HS2ST1: variants seen among roughly 807,000 people sequenced by gnomAD.
HS2ST1 encodes the protein 2-O-sulfotransferase.
In HS2ST1, 18 loss-of-function variants were observed where a neutral mutation model predicts 42.9. The ratio of observed to expected loss-of-function variants is 0.42; its 90% confidence interval spans 0.29 to 0.62. The LOEUF (loss-of-function observed/expected upper bound fraction) is 0.62, where lower values mean the gene tolerates loss of function less well. HS2ST1 is among the 20% of genes least tolerant of loss of function. The pLI, the probability that HS2ST1 is intolerant of heterozygous loss-of-function variation, is 0.21. For missense variants in HS2ST1, 334 were observed against 433.8 expected (o/e 0.77, Z 2.04); for synonymous variants, 146 against 152.9 (o/e 0.95, Z 0.33).
At position 86,981,989 on chromosome 1, in the gene HS2ST1, C is replaced by T. The variant is rs531927557; in HGVS notation, c.124+66829C>T. ...GCCTGGCCATCCAAGTGTTTCCATA[C>T]ATGCTGTGAAATCTAGGCAGAGGTT... On this transcript the variant is annotated intron_variant, in intron 1 of 6. Coordinates refer to ENST00000370550, the MANE Select transcript of HS2ST1 (RefSeq NM_012262.4). Among the ~76,000 whole-genome samples, 3 of 152,376 alleles carry T rather than the reference C, an allele frequency of 2.0e-5. No individual in the cohort carries two copies. In the East Asian group the frequency reaches 5.8e-4, roughly 29 times the overall value.
chr1:86,951,072 T>C (rs950137433), intron 1 of HS2ST1, among the ~76,000 whole-genome samples: 4 of 152,218 alleles, frequency 2.6e-5, no homozygotes, highest in African/African-American at 4.8e-5. Context: ...CTTAGTAGTT[T>C]GTAAGTTTCA....
At chr1:86,937,568 TA>T (rs1170867496) in intron 1 of HS2ST1, among the ~76,000 whole-genome samples, 1 of 152,210 alleles carries the variant, frequency 6.6e-6, no homozygotes, top group Non-Finnish European at 1.5e-5. Context: ...GCCTTGGTTT[TA>T]CTCAGCTTCC....
intron 1 of HS2ST1, among the ~76,000 whole-genome samples, chr1:86,976,625 G>A (rs1014126210): frequency 7.0e-6 from 1 of 143,374 alleles, no homozygotes; most frequent in African/African-American, 2.5e-5. Flanking sequence ...TAAATGCTAT[G>A]AAAAAGAATT....
intron 1 of HS2ST1, among the ~76,000 whole-genome samples, chr1:87,036,085 A>C (rs920206157): frequency 6.6e-6 from 1 of 152,050 alleles, no homozygotes; most frequent in African/African-American, 2.4e-5. Flanking sequence ...TGTTCTTGTT[A>C]GTTTGCTGAG....
At chr1:87,085,027 G>A (rs560529045) in intron 3 of HS2ST1, among the ~76,000 whole-genome samples, 1 of 152,202 alleles carries the variant, frequency 6.6e-6, no homozygotes, top group South Asian at 2.1e-4. Context: ...GTGGCTTTCT[G>A]TACAGTCTGT....
intron 1 of HS2ST1, among the ~76,000 whole-genome samples, chr1:87,051,298 A>C (rs1650824891): frequency 1.3e-5 from 2 of 152,104 alleles, no homozygotes; most frequent in South Asian, 4.1e-4. Flanking sequence ...TGCCTAATTC[A>C]AATAGATTAA....
At chr1:86,962,778 A>G (rs183768836) in intron 1 of HS2ST1, among the ~76,000 whole-genome samples, 1 of 152,296 alleles carries the variant, frequency 6.6e-6, no homozygotes, top group Admixed American at 6.5e-5. Context: ...CAAAGTAAAT[A>G]TAGGTTATAG....
intron 1 of HS2ST1, among the ~76,000 whole-genome samples, chr1:87,030,971 G>A (rs1354286122): frequency 1.3e-5 from 2 of 152,068 alleles, no homozygotes; most frequent in Non-Finnish European, 2.9e-5. Flanking sequence ...ATGGAGTCTT[G>A]CTCTGTTGCC....
At chr1:87,076,771 T>A (rs1183011975) in intron 2 of HS2ST1, among the ~76,000 whole-genome samples, 1 of 152,050 alleles carries the variant, frequency 6.6e-6, no homozygotes, top group Non-Finnish European at 1.5e-5. Context: ...ACATCTTTTA[T>A]GATTTTTCAA....
chr1:86,942,424 C>G (rs1197998067), intron 1 of HS2ST1, among the ~76,000 whole-genome samples: 1 of 152,148 alleles, frequency 6.6e-6, no homozygotes, highest in African/African-American at 2.4e-5. Flanking sequence ...CTTTGTTCTT[C>G]TGTTCTATTT....
chr1:86,919,175 C>T (rs12129946), intron 1 of HS2ST1, among the ~76,000 whole-genome samples: 14 of 152,048 alleles, frequency 9.2e-5, no homozygotes, highest in Non-Finnish European at 2.1e-4. Flanking sequence ...GAACTCCTGA[C>T]CTCAAGTGAT....
At chr1:86,917,267 C>T (rs1660181571) in intron 1 of HS2ST1, among the ~76,000 whole-genome samples, 2 of 152,250 alleles carry the variant, frequency 1.3e-5, no homozygotes, top group African/African-American at 4.8e-5. Context: ...GCCTGTAATC[C>T]CAGCACTTTG....
At chr1:87,006,374 G>A (rs1649436803) in intron 1 of HS2ST1, among the ~76,000 whole-genome samples, 1 of 152,106 alleles carries the variant, frequency 6.6e-6, no homozygotes, top group African/African-American at 2.4e-5. Context: ...ACCCAGACAT[G>A]CAAGATATCC....
At chr1:86,922,935 C>T (rs532159582) in intron 1 of HS2ST1, among the ~76,000 whole-genome samples, 2 of 152,046 alleles carry the variant, frequency 1.3e-5, no homozygotes, top group Non-Finnish European at 2.9e-5. Context: ...TGCTGCTTCT[C>T]CTCTCAGGAA....
chr1:86,916,723 G>A (rs532367569), intron 1 of HS2ST1, among the ~76,000 whole-genome samples: 2 of 152,042 alleles, frequency 1.3e-5, no homozygotes, highest in African/African-American at 2.4e-5. Flanking sequence ...CGACATTCAG[G>A]GTCATATTCT....
At chr1:87,015,899 C>T (rs539896250) in intron 1 of HS2ST1, among the ~76,000 whole-genome samples, 1 of 151,966 alleles carries the variant, frequency 6.6e-6, no homozygotes, top group South Asian at 2.1e-4. Flanking sequence ...TCACTGCAAC[C>T]TCCAACTCCT....
At chr1:86,939,555 T>C (rs1423147921) in intron 1 of HS2ST1, among the ~76,000 whole-genome samples, 1 of 152,212 alleles carries the variant, frequency 6.6e-6, no homozygotes, top group Non-Finnish European at 1.5e-5. Context: ...TGGTTTTCGC[T>C]CTTGGCTACA....
intron 1 of HS2ST1, among the ~76,000 whole-genome samples, chr1:86,976,201 T>G (rs1453332315): frequency 1.3e-5 from 2 of 152,228 alleles, no homozygotes; most frequent in African/African-American, 4.8e-5. Flanking sequence ...TAATAGATTT[T>G]GATTGAGAAC....
intron 1 of HS2ST1, among the ~76,000 whole-genome samples, chr1:87,037,098 G>A (rs1164563831): frequency 6.6e-6 from 1 of 151,180 alleles, no homozygotes; most frequent in Non-Finnish European, 1.5e-5. Flanking sequence ...ATTCATGGGT[G>A]CTGACTTTTT....
Sources: gnomAD v4.1 joint callset for allele counts (sites outside exome capture counted in the v4.1 genomes callset) on GRCh38, gnomAD v4.1.1 for gene constraint, MANE v1.5 for transcripts, NCBI Gene and HGNC (gene_info 2026-07-23, HGNC 2026-07-21) for gene names.